Variants in SLC38A3 observed in about 807,000 individuals in gnomAD.
The protein encoded by SLC38A3 is sodium-coupled neutral amino acid transporter 3.
In SLC38A3, 17 loss-of-function variants were observed where a neutral mutation model predicts 59.5. The observed-to-expected ratio is 0.29, with a 90% CI of 0.20 to 0.43. The LOEUF is 0.43. SLC38A3 is among the 20% of genes least tolerant of loss of function. SLC38A3 has a pLI of 1.00. For synonymous variants in SLC38A3, 238 were observed against 260.3 expected (o/e 0.91, Z 0.82); for missense variants, 454 against 653.9 (o/e 0.69, Z 3.33).
rs1449638104 is a variant in SLC38A3 at position 50,218,071 on chromosome 3, G to GTGGA, written c.935+76_935+79dup. On this transcript the variant is annotated intron_variant, in intron 11 of 15. Coordinates refer to ENST00000614032, the MANE Select transcript of SLC38A3 (RefSeq NM_006841.6). This position sits in a 1 kb window ranked among gnomAD's most constrained non-coding sequence, Gnocchi z 5.8. ...GGGGAGAATGGATGTGGTCCTGAAT[G>GTGGA]TGGAGAGGGGAGTGACAGGAGCCAA... 28 of 1,446,440 alleles carry GTGGA rather than the reference G, an allele frequency of 1.9e-5. No homozygotes were observed. Among genetic ancestry groups the GTGGA allele is most frequent in the Non-Finnish European group, 2.2e-5 (23 of 1,036,388 alleles). The allele number at this position is 1,446,440 out of a possible 1,614,324, so 89.6% of individuals were successfully genotyped here. A position where few individuals can be genotyped will look rare whatever the true frequency, so the allele number is the denominator to read the frequency against.
At chr3:50,211,513 A>G (rs1699726901) in intron 1 of SLC38A3, among the ~76,000 whole-genome samples, 1 of 67,180 alleles carries the variant, frequency 1.5e-5, no homozygotes, top group African/African-American at 6.2e-5. Flanking sequence ...TGCCTACTGG[A>G]ATTTTAGTAC....
intron 1 of SLC38A3, among the ~76,000 whole-genome samples, chr3:50,208,733 T>A (rs188002177): frequency 3.1e-4 from 47 of 152,342 alleles, no homozygotes; most frequent in African/African-American, 9.9e-4. Context: ...TTTTTCTGTC[T>A]GTGTCCCTCT....
At position 50,214,630 on chromosome 3, in the gene SLC38A3, C is replaced by G. The variant is rs1406403070; in HGVS notation, c.184-23C>G. ...CCCTTGCTGACTCCTCCCACCCTCC[C>G]CGTCCCATTCTGGTGCCTGCAGTTC... On this transcript the variant is annotated intron_variant, in intron 3 of 15. Coordinates refer to ENST00000614032, the MANE Select transcript of SLC38A3 (RefSeq NM_006841.6). This position sits in a 1 kb window ranked among gnomAD's most constrained non-coding sequence, Gnocchi z 6.0. 1.3e-6 allele frequency: 2 copies of G among 1,548,552 alleles called. No homozygotes were observed. Among genetic ancestry groups the G allele is most frequent in the African/African-American group, 2.7e-5 (2 of 73,608 alleles).
In SLC38A3 at chr3:50,218,334, T is replaced by C; in HGVS notation, c.1000T>C (p.Phe334Leu). ...LSIAVMYIMYFLAALFGYLTF... is the reference protein window; with the variant it reads ...LSIAVMYIMYLLAALFGYLTF... ...CATCGCTGTCATGTACATCATGTAC[T>C]TCCTGGCTGCCCTCTTCGGCTACCT... The change falls in exon 12 of 16, where the codon TTC (phenylalanine) becomes CTC (leucine). Residue 334 changes from phenylalanine to leucine, a missense_variant. This residue lies in a region of SLC38A3 where 390 missense variants were observed against 557.9 expected (regional missense o/e 0.70). Transcript: ENST00000614032. This position sits in a 1 kb window ranked among gnomAD's most constrained non-coding sequence, Gnocchi z 5.8. The C allele has an allele frequency of 6.2e-7, 1 of 1,613,592 alleles. No individual in the cohort carries two copies. Among genetic ancestry groups the C allele is most frequent in the Non-Finnish European group, 8.5e-7 (1 of 1,179,518 alleles).
Position 50,210,124 on chromosome 3 carries a change from C to A in SLC38A3, c.-51-4025C>A, listed in dbSNP as rs192920671. On this transcript the variant is annotated intron_variant, in intron 1 of 15. Coordinates refer to ENST00000614032, the MANE Select transcript of SLC38A3 (RefSeq NM_006841.6). Reference sequence around the variant, plus strand: ...TGTCTCCATTGGATCTGGTTTCCCCCCTTACTAACACCTTCTCCTAGTAGG... The same window carrying A: ...TGTCTCCATTGGATCTGGTTTCCCCACTTACTAACACCTTCTCCTAGTAGG... Among the ~76,000 whole-genome samples the A allele has an allele frequency of 3.3e-5, 5 of 152,312 alleles. No individual in the cohort carries two copies. In the South Asian group the frequency reaches 6.2e-4, roughly 19 times the overall value.
In SLC38A3 at chr3:50,212,067, G is replaced by A. The variant is rs4688744; in HGVS notation, c.-51-2082G>A. Among the ~76,000 whole-genome samples the A allele has an allele frequency of 0.053, 8,108 of 152,280 alleles. 1,533 individuals carry two copies. The East Asian group carries it at 0.6, about 11-fold the overall frequency. Reference sequence around the variant, plus strand: ...TCAGGCCTGCCCAAGACCCAGCAATGACTGATCATGATTGAGTAATAGCTA... The same window carrying A: ...TCAGGCCTGCCCAAGACCCAGCAATAACTGATCATGATTGAGTAATAGCTA... On this transcript the variant is annotated intron_variant, in intron 1 of 15. Coordinates refer to ENST00000614032, the MANE Select transcript of SLC38A3 (RefSeq NM_006841.6).
rs370891648 is a variant in SLC38A3, at chr3:50,217,752, T to C, written c.767T>C (p.Val256Ala). 1.9e-6 allele frequency: 3 copies of C among 1,613,718 alleles called. No individual in the cohort carries two copies. Among genetic ancestry groups the C allele is most frequent in the African/African-American group, 2.7e-5 (2 of 75,044 alleles). Residue 256 changes from valine to alanine, a missense_variant, in exon 10 of 16, where the codon GTG (valine) becomes GCG (alanine). Around this residue, in one of 3 missense-constraint regions of SLC38A3, gnomAD observed 390 missense variants for 557.9 expected, o/e 0.70. Coordinates refer to ENST00000614032, the MANE Select transcript of SLC38A3 (RefSeq NM_006841.6). This position sits in a 1 kb window ranked among gnomAD's most constrained non-coding sequence, Gnocchi z 4.9. ...AACACCACAGGCAACTTCAGCCACGTGGAGATCGTGAAGGAGAAGGTGCAG... is the reference window on the plus strand; with the variant it reads ...AACACCACAGGCAACTTCAGCCACGCGGAGATCGTGAAGGAGAAGGTGCAG... Reference protein sequence around the residue: ...FNNTTGNFSHVEIVKEKVQLQ... With the variant: ...FNNTTGNFSHAEIVKEKVQLQ...
intron 1 of SLC38A3, among the ~76,000 whole-genome samples, chr3:50,210,422 A>T (rs1410601619): frequency 6.6e-6 from 1 of 152,136 alleles, no homozygotes; most frequent in Non-Finnish European, 1.5e-5. Context: ...CTGTGCCTCC[A>T]CTGGTGCAAG....
intron 1 of SLC38A3, among the ~76,000 whole-genome samples, chr3:50,212,583 T>C (rs900963528): frequency 6.6e-6 from 1 of 152,148 alleles, no homozygotes; most frequent in African/African-American, 2.4e-5. Context: ...GTTTGAGGGA[T>C]GCAAGAGTGC....
At chr3:50,211,530 C>T (rs919303022) in intron 1 of SLC38A3, among the ~76,000 whole-genome samples, 7 of 1,816 alleles carry the variant, frequency 3.9e-3, no homozygotes, top group South Asian at 9.3e-3. Flanking sequence ...GTACTGGCTT[C>T]GCACCTCCTC....
chr3:50,217,312 G>C lies in SLC38A3; in HGVS notation c.623G>C (p.Arg208Pro), dbSNP rs780097761. ...VTIILPLALM[R>P]QLGYLGYSSG... ...ATCATTCTGCCCCTGGCACTGATGC[G>C]GCAGCTTGGTGAGTGTGGAAGGGTC... Residue 208 changes from arginine to proline, a missense_variant, in exon 8 of 16, where the codon CGG becomes CCG. This residue lies in a region of SLC38A3 where 390 missense variants were observed against 557.9 expected (regional missense o/e 0.70). Coordinates refer to ENST00000614032, the MANE Select transcript of SLC38A3 (RefSeq NM_006841.6). The surrounding 1 kb of genome is among the most constrained non-coding windows in gnomAD (Gnocchi z 4.9). The C allele has an allele frequency of 6.2e-7, 1 of 1,613,440 alleles. No homozygotes were observed. Among genetic ancestry groups the C allele is most frequent in the Non-Finnish European group, 8.5e-7 (1 of 1,179,668 alleles).
In SLC38A3 at chr3:50,218,455, G is replaced by T. The variant is rs775201241; in HGVS notation, c.1036+85G>T. On this transcript the variant is annotated intron_variant, in intron 12 of 15. Coordinates refer to ENST00000614032, the MANE Select transcript of SLC38A3 (RefSeq NM_006841.6). This position sits in a 1 kb window ranked among gnomAD's most constrained non-coding sequence, Gnocchi z 5.8. ...GCCATGGTGCCCTCCATACCGAGGC[G>T]TGTGGTGCCTGGCTGTGCCTTGCCG... The T allele has an allele frequency of 7.2e-6, 11 of 1,528,938 alleles. No individual in the cohort carries two copies. In the Admixed American group the frequency reaches 1.9e-4, roughly 26 times the overall value. The allele number at this position is 1,528,938 out of a possible 1,614,324, so 94.7% of individuals were successfully genotyped here.
intron 1 of SLC38A3, among the ~76,000 whole-genome samples, chr3:50,212,125 A>AG (rs1699740341): frequency 6.6e-6 from 1 of 152,238 alleles, no homozygotes; most frequent in South Asian, 2.1e-4. Flanking sequence ...CAGCTACTGC[A>AG]GGGGGGATGG....
intron 14 of SLC38A3, 95 bp downstream of exon 14, chr3:50,219,043 A>T: frequency 1.4e-6 from 2 of 1,462,992 alleles, no homozygotes; most frequent in Non-Finnish European, 1.9e-6. Flanking sequence ...ACCCTACATT[A>T]AGTGCAGTGG....
chr3:50,208,324 G>A (rs142277441), intron 1 of SLC38A3, among the ~76,000 whole-genome samples: 3 of 149,638 alleles, frequency 2.0e-5, no homozygotes, highest in East Asian at 2.0e-4. Flanking sequence ...GTGCAGCGGC[G>A]TGATCTTGGT....
Position 50,214,228 on chromosome 3 carries a change from T to C in SLC38A3, c.29T>C (p.Val10Ala), listed in dbSNP as rs1253602816. 10 of 1,613,838 alleles carry C rather than the reference T, an allele frequency of 6.2e-6. No individual in the cohort carries two copies. The highest frequency in any genetic ancestry group is 8.5e-6 in the Non-Finnish European group (10 of 1,179,810). The change falls in exon 2 of 16, where the codon GTG becomes GCG. Residue 10 changes from valine (V) to alanine (A), a missense_variant. Around this residue, in one of 3 missense-constraint regions of SLC38A3, gnomAD observed 390 missense variants for 557.9 expected, o/e 0.70. Coordinates refer to ENST00000614032, the MANE Select transcript of SLC38A3 (RefSeq NM_006841.6). This position sits in a 1 kb window ranked among gnomAD's most constrained non-coding sequence, Gnocchi z 6.0. ...GAGGCGCCTTTGCAGACAGAGATGG[T>C]GGAGCTGGTGCCCAATGGCAAACAC... MEAPLQTEM[V>A]ELVPNGKHSE...
At position 50,217,490 on chromosome 3, in the gene SLC38A3, G is replaced by A. The variant is rs1002747654; in HGVS notation, c.690+17G>A. ...CTAATTGCAGTGAGTCACCCTCCAT[G>A]TTGGCTGAGAAAGCGGGCAGCGGGT... On this transcript the variant is annotated intron_variant, in intron 9 of 15. Coordinates refer to ENST00000614032, the MANE Select transcript of SLC38A3 (RefSeq NM_006841.6). The surrounding 1 kb of genome is among the most constrained non-coding windows in gnomAD (Gnocchi z 4.9). 1.9e-6 allele frequency: 3 copies of A among 1,612,132 alleles called. No homozygotes were observed. In the African/African-American group the frequency reaches 4.0e-5, roughly 22 times the overall value.
In SLC38A3 at chr3:50,215,267, G is replaced by A. The variant is rs1308204018; in HGVS notation, c.300-119G>A. 2.0e-5 allele frequency: 17 copies of A among 844,510 alleles called. No homozygotes were observed. Among genetic ancestry groups the A allele is most frequent in the Non-Finnish European group, 3.1e-5 (16 of 508,162 alleles). 52.3% of individuals were successfully genotyped at this position (844,510 alleles called of 1,614,324 possible). On this transcript the variant is annotated intron_variant, in intron 4 of 15. Coordinates refer to ENST00000614032, the MANE Select transcript of SLC38A3 (RefSeq NM_006841.6). This position sits in a 1 kb window ranked among gnomAD's most constrained non-coding sequence, Gnocchi z 7.1. ...GAGCTGGCATCCATACCTGTTGGGA[G>A]TCCAGACACCCAGGTCACAGACCCT...
Position 50,218,247 on chromosome 3 carries a change from C to G in SLC38A3, c.936-23C>G. The G allele has an allele frequency of 1.4e-6, 2 of 1,391,370 alleles. No homozygotes were observed. The highest frequency in any genetic ancestry group is 2.1e-6 in the Non-Finnish European group (2 of 975,544). The allele number at this position is 1,391,370 out of a possible 1,614,324, so 86.2% of individuals were successfully genotyped here. Reference sequence around the variant, plus strand: ...AATGTTACCCAGCTTGTCACCAACACCCACCCCCCCACTTCCCCACAGCCC... The same window carrying G: ...AATGTTACCCAGCTTGTCACCAACAGCCACCCCCCCACTTCCCCACAGCCC... On this transcript the variant is annotated intron_variant, in intron 11 of 15. Coordinates refer to ENST00000614032, the MANE Select transcript of SLC38A3 (RefSeq NM_006841.6). This position sits in a 1 kb window ranked among gnomAD's most constrained non-coding sequence, Gnocchi z 5.8.
Sources: allele counts gnomAD v4.1 joint callset (sites outside exome capture counted in the v4.1 genomes callset), GRCh38; gene constraint gnomAD v4.1.1; regional missense constraint gnomAD v4.1.1; non-coding constraint Gnocchi (gnomAD v3.1); transcripts MANE v1.5; gene names NCBI Gene and HGNC (gene_info 2026-07-23, HGNC 2026-07-21).